ZNF385C: variants seen among roughly 807,000 people sequenced by gnomAD.
ZNF385C encodes CTD-2132N18.2.
A neutral mutation model predicts 35.4 loss-of-function variants in ZNF385C; 28 were observed. That is an observed-to-expected ratio of 0.79 (90% CI 0.59 to 1.08). ZNF385C has a LOEUF of 1.08. Among genes scored for constraint, ZNF385C ranks in the 50% least tolerant of loss-of-function variants. The pLI is 0.00. For missense variants in ZNF385C, 605 were observed against 595.6 expected, an observed-to-expected ratio of 1.02 and a Z score of -0.16; for synonymous variants, 248 against 248.2, an observed-to-expected ratio of 1.00 and a Z score of 0.01.
chr17:42,044,140 T>TAAAAA (rs35206698), intron 2 of ZNF385C, among the ~76,000 whole-genome samples: 6 of 83,592 alleles, frequency 7.2e-5, no homozygotes, highest in African/African-American at 1.4e-4. Flanking sequence ...ACCCCATCTC[T>TAAAAA]AAAAAAAAAA....
In ZNF385C at chr17:42,086,306, C is replaced by T. The variant is rs141911180; in HGVS notation, c.-3+12104G>A. Among the ~76,000 whole-genome samples, 75 of 152,178 alleles carry T rather than the reference C, an allele frequency of 4.9e-4. No homozygotes were observed. In the East Asian group the frequency reaches 0.01, roughly 21 times the overall value. On this transcript the variant is annotated intron_variant, in intron 1 of 8. Coordinates refer to ENST00000692273, the MANE Select transcript of ZNF385C (RefSeq NM_001392013.1). ...ACTCGGGAGGCCGAGGCACAAGAAT[C>T]GCTTCAACCAGGCAGGCAGAGGTTG...
At chr17:42,031,909 C>A in intron 4 of ZNF385C, 125 bp from the exon 5 acceptor site, 13 of 1,014,572 alleles carry the variant, frequency 1.3e-5, no homozygotes, top group Non-Finnish European at 1.8e-5. Context: ...AAGGGCAAGT[C>A]CTTGTCCTTG....
intron 1 of ZNF385C, among the ~76,000 whole-genome samples, chr17:42,093,123 T>C (rs1555660711): frequency 6.7e-6 from 1 of 150,338 alleles, no homozygotes; most frequent in Admixed American, 6.6e-5. Flanking sequence ...GCCACAGAGG[T>C]GGGGAGGCCA....
intron 2 of ZNF385C, chr17:42,043,408 C>T (rs1006618789): frequency 5.8e-5 from 71 of 1,231,586 alleles, no homozygotes; most frequent in Non-Finnish European, 7.0e-5. Context: ...CCCCCAACCC[C>T]CACCTGAATG....
In ZNF385C at chr17:42,060,620, G is replaced by A. The variant is rs899250468; in HGVS notation, c.250+2187C>T. Among the ~76,000 whole-genome samples, 13 of 152,110 alleles carry A rather than the reference G, an allele frequency of 8.5e-5. 1 individual carries two copies. The highest frequency in any genetic ancestry group is 1.9e-4 in the East Asian group (1 of 5,190). On this transcript the variant is annotated intron_variant, in intron 2 of 8. Coordinates refer to ENST00000692273, the MANE Select transcript of ZNF385C (RefSeq NM_001392013.1). ...TTGCAGGCCTCAATGCCTTTGCTCC[G>A]GCTGCTTCCCTGCCTGGGATCCTCT...
intron 2 of ZNF385C, chr17:42,040,512 G>C (rs1286155451): frequency 8.1e-7 from 1 of 1,232,662 alleles, no homozygotes; most frequent in Non-Finnish European, 1.0e-6. Context: ...CAGAGGGCAG[G>C]GCATCCAGCA....
chr17:42,082,715 T>C (rs1247152685), intron 1 of ZNF385C, among the ~76,000 whole-genome samples: 2 of 151,954 alleles, frequency 1.3e-5, no homozygotes, highest in Non-Finnish European at 2.9e-5. Context: ...GGAGGATTGG[T>C]TGAGTCTAGG....
At chr17:42,035,361 A>C (rs546352834) in intron 3 of ZNF385C, among the ~76,000 whole-genome samples, 1 of 151,528 alleles carries the variant, frequency 6.6e-6, no homozygotes, top group South Asian at 2.1e-4. Flanking sequence ...CCTTTGCAAT[A>C]ATTACAACTA....
At chr17:42,082,059 G>A (rs2053755048) in intron 1 of ZNF385C, among the ~76,000 whole-genome samples, 2 of 152,160 alleles carry the variant, frequency 1.3e-5, no homozygotes, top group Non-Finnish European at 2.9e-5. Flanking sequence ...CAAGTCCCCC[G>A]CCTTTCTCCA....
chr17:42,032,112 G>A (rs934552820), intron 4 of ZNF385C, among the ~76,000 whole-genome samples: 1 of 152,178 alleles, frequency 6.6e-6, no homozygotes, highest in Non-Finnish European at 1.5e-5. Context: ...CCAGGCTGGA[G>A]TGCAGTGGCG....
At chr17:42,027,558 T>TTC in intron 8 of ZNF385C, 60 bp downstream of exon 8, 1 of 204,816 alleles carries the variant, frequency 4.9e-6, no homozygotes, top group Non-Finnish European at 9.3e-6. Context: ...CATCTGGCCC[T>TTC]CCCAGCCCAC....
At chr17:42,032,410 C>A (rs2052751622) in intron 4 of ZNF385C, among the ~76,000 whole-genome samples, 1 of 152,136 alleles carries the variant, frequency 6.6e-6, no homozygotes, top group Non-Finnish European at 1.5e-5. Context: ...AGTCTCCTCA[C>A]CCATAAACCC....
At chr17:42,027,998 C>T in intron 7 of ZNF385C, 52 bp downstream of exon 7, 2 of 1,585,224 alleles carry the variant, frequency 1.3e-6, no homozygotes. Flanking sequence ...CTGCCCTGCC[C>T]CCCAACCCCC....
intron 1 of ZNF385C, among the ~76,000 whole-genome samples, chr17:42,072,461 G>A (rs1488159466): frequency 6.6e-6 from 1 of 152,154 alleles, no homozygotes; most frequent in East Asian, 1.9e-4. Flanking sequence ...CCTAAGTGCT[G>A]AGCACGCGGC....
chr17:42,071,654 G>A (rs1193733106), intron 1 of ZNF385C, among the ~76,000 whole-genome samples: 1 of 152,206 alleles, frequency 6.6e-6, no homozygotes, highest in Non-Finnish European at 1.5e-5. Flanking sequence ...GCCAGGCAAA[G>A]CCCAGGAAAT....
chr17:42,028,809 G>T lies in ZNF385C; in HGVS notation c.941C>A (p.Ala314Asp). The T allele has an allele frequency of 2.6e-6, 4 of 1,550,350 alleles. No homozygotes were observed. Among genetic ancestry groups the T allele is most frequent in the Non-Finnish European group, 2.6e-6 (3 of 1,146,764 alleles). Residue 314 changes from alanine to aspartate, a missense_variant, in exon 6 of 9, where the codon GCC becomes GAC. By Grantham distance (126) the Ala-to-Asp change is moderately radical. Coordinates refer to ENST00000692273, the MANE Select transcript of ZNF385C (RefSeq NM_001392013.1). ...CPTCKVTVNS[A>D]SQLQAHNTGA... ...TGTGTTGTGAGCCTGAAGCTGGGAG[G>T]CCGAGTTCACTGTCACCTTACACGT...
In ZNF385C at chr17:42,062,941, C is replaced by T. The variant is rs1320577407; in HGVS notation, c.116G>A (p.Arg39Gln). The part of the protein sequence containing the change: ...EPPKPKRERK[R>Q]PSYTLCDVCN... ...GACATCACAGAGCGTGTACGATGGC[C>T]GCTTTCTTTCTCGCTTGGGCTTAGG... Residue 39 changes from arginine to glutamine, a missense_variant, in exon 2 of 9, where the codon CGG (arginine) becomes CAG (glutamine). By Grantham distance (43) the Arg-to-Gln change is conservative. Transcript: ENST00000692273. 1.0e-5 allele frequency: 7 copies of T among 696,262 alleles called. No individual in the cohort carries two copies. The highest frequency in any genetic ancestry group is 2.7e-5 in the East Asian group (1 of 36,470). 43.1% of individuals were successfully genotyped at this position (696,262 alleles called of 1,614,324 possible). A position where few individuals can be genotyped will look rare whatever the true frequency, so the allele number is the denominator to read the frequency against.
intron 1 of ZNF385C, among the ~76,000 whole-genome samples, chr17:42,086,929 A>G (rs2053815742): frequency 6.6e-6 from 1 of 150,600 alleles, no homozygotes; most frequent in South Asian, 2.1e-4. Flanking sequence ...CCCAGGTTCA[A>G]GCAATTCTCC....
At position 42,038,819 on chromosome 17, in the gene ZNF385C, T is replaced by C. The variant is rs2052929588; in HGVS notation, c.251-934A>G. 2 of 152,226 alleles carry C rather than the reference T, an allele frequency of 1.3e-5. 1 individual carries two copies. The highest frequency in any genetic ancestry group is 4.1e-4 in the South Asian group (2 of 4,830). 9.4% of individuals were successfully genotyped at this position (152,226 alleles called of 1,614,324 possible). A position where few individuals can be genotyped will look rare whatever the true frequency, so the allele number is the denominator to read the frequency against. ...GTGAGGAGGGAAGGAAGGGAACCACTATCTCTCTGGAACCATTGGCCCTTG... is the reference window on the plus strand; with the variant it reads ...GTGAGGAGGGAAGGAAGGGAACCACCATCTCTCTGGAACCATTGGCCCTTG... On this transcript the variant is annotated intron_variant, in intron 2 of 8. Transcript: ENST00000692273.
Sources: allele counts gnomAD v4.1 joint callset (sites outside exome capture counted in the v4.1 genomes callset), GRCh38; gene constraint gnomAD v4.1.1; transcripts MANE v1.5; gene names NCBI Gene and HGNC (gene_info 2026-07-23, HGNC 2026-07-21).